The following CUX2 variants were observed in gnomAD, a reference collection of about 807,000 sequenced individuals.
CUX2 encodes cut like homeobox 2, also known as homeobox protein cut-like 2.
CUX2 carries 40 observed loss-of-function variants against 144.8 expected under a neutral mutation model. The observed-to-expected ratio is 0.28, with a 90% CI of 0.21 to 0.36. The LOEUF (loss-of-function observed/expected upper bound fraction) is 0.36. Ranked by LOEUF, CUX2 falls within the 10% of genes least tolerant of loss-of-function variation. CUX2 has a pLI of 1.00. For synonymous variants in CUX2, 827 were observed against 875.6 expected, an observed-to-expected ratio of 0.94 and a Z score of 0.98; for missense variants, 1,615 against 1,994.0, an observed-to-expected ratio of 0.81 and a Z score of 3.62.
At chr12:111,288,780 T>A (rs1307568369) in intron 4 of CUX2, among the ~76,000 whole-genome samples, 1 of 152,098 alleles carries the variant, frequency 6.6e-6, no homozygotes, top group Admixed American at 6.5e-5. Context: ...TTGGCCAACA[T>A]GGTGAAACCC....
At chr12:111,054,784 G>A (rs772561881) in intron 1 of CUX2, among the ~76,000 whole-genome samples, 116 of 152,106 alleles carry the variant, frequency 7.6e-4, no homozygotes, top group Admixed American at 2.4e-3. Flanking sequence ...ACACCACCAC[G>A]CCCGCCTAAT....
rs1478218476 is a variant in CUX2 at position 111,068,805 on chromosome 12, G to A, written c.63+34565G>A. Among the ~76,000 whole-genome samples the A allele has an allele frequency of 5.9e-5, 9 of 152,280 alleles. No individual in the cohort carries two copies. The highest frequency in any genetic ancestry group is 1.2e-4 in the Non-Finnish European group (8 of 68,020). On this transcript the variant is annotated intron_variant, in intron 1 of 21. Coordinates refer to ENST00000261726, the MANE Select transcript of CUX2 (RefSeq NM_015267.4). This position sits in a 1 kb window ranked among gnomAD's most constrained non-coding sequence, Gnocchi z 4.9. ...GTTGGACAGGAGGGGAAAATCTCAT[G>A]GTTAAGAATGTGGCCCTGGGCAGGG...
intron 1 of CUX2, among the ~76,000 whole-genome samples, chr12:111,139,485 C>A (rs1876150964): frequency 6.6e-6 from 1 of 152,070 alleles, no homozygotes; most frequent in Non-Finnish European, 1.5e-5. Flanking sequence ...AAGTTGTGGT[C>A]ATGGAGATCG....
intron 1 of CUX2, among the ~76,000 whole-genome samples, chr12:111,130,833 G>A (rs2136108988): frequency 6.6e-6 from 1 of 152,288 alleles, no homozygotes; most frequent in South Asian, 2.1e-4. Flanking sequence ...CCAACACATG[G>A]TTAGAACCCT....
chr12:111,167,050 G>A (rs1012777319), intron 1 of CUX2, among the ~76,000 whole-genome samples: 1 of 152,138 alleles, frequency 6.6e-6, no homozygotes, highest in African/African-American at 2.4e-5. Context: ...AGACAGGCTG[G>A]CAGGGAGAGC....
chr12:111,104,613 A>T (rs1873476199), intron 1 of CUX2, among the ~76,000 whole-genome samples: 1 of 152,202 alleles, frequency 6.6e-6, no homozygotes, highest in South Asian at 2.1e-4. Flanking sequence ...TCATCTATAA[A>T]ATGAGATAAT....
At chr12:111,248,534 G>A (rs933000398) in intron 3 of CUX2, among the ~76,000 whole-genome samples, 1 of 152,024 alleles carries the variant, frequency 6.6e-6, no homozygotes, top group East Asian at 1.9e-4. Context: ...TCCTGTTGCA[G>A]CATTGTCTGT....
chr12:111,246,798 T>A lies in CUX2; in HGVS notation c.223-16963T>A, dbSNP rs1352551535. 6.6e-6 allele frequency among the ~76,000 whole-genome samples: 1 copy of A among 152,154 alleles called. No homozygotes were observed. The highest frequency in any genetic ancestry group is 1.5e-5 in the Non-Finnish European group (1 of 68,028). ...ACGGCCTGCCTCTCTTGTGTGAGCC[T>A]GTGCCTCTTCCTCCTTGAAGCCCTC... On this transcript the variant is annotated intron_variant, in intron 3 of 21. Coordinates refer to ENST00000261726, the MANE Select transcript of CUX2 (RefSeq NM_015267.4). This position sits in a 1 kb window ranked among gnomAD's most constrained non-coding sequence, Gnocchi z 4.0.
At position 111,186,104 on chromosome 12, in the gene CUX2, C is replaced by T. The variant is rs919338114; in HGVS notation, c.64-28096C>T. On this transcript the variant is annotated intron_variant, in intron 1 of 21. Coordinates refer to ENST00000261726, the MANE Select transcript of CUX2 (RefSeq NM_015267.4). The surrounding 1 kb of genome is among the most constrained non-coding windows in gnomAD (Gnocchi z 4.4). ...TGTTCTGCCCTCGCCCCCTTTCTGTCTCCGTCTCACTAGATTTCGCTTTCA... is the reference window on the plus strand; with the variant it reads ...TGTTCTGCCCTCGCCCCCTTTCTGTTTCCGTCTCACTAGATTTCGCTTTCA... 1.3e-5 allele frequency among the ~76,000 whole-genome samples: 2 copies of T among 151,962 alleles called. No individual in the cohort carries two copies. The highest frequency in any genetic ancestry group is 4.2e-4 in the South Asian group (2 of 4,816).
chr12:111,348,308 C>G lies in CUX2; in HGVS notation c.4444C>G (p.Leu1482Val), dbSNP rs377383876. Reference sequence around the variant, plus strand: ...GCGGGCTGCCAATCGGGAGGAGGCCCTGGAGTGGGAGTTCTGAAGGCAGGG... The same window carrying G: ...GCGGGCTGCCAATCGGGAGGAGGCCGTGGAGTGGGAGTTCTGAAGGCAGGG... ...VERAANREEA[L>V]EWEF The change falls in exon 22 of 22, where the codon CTG (leucine) becomes GTG (valine). Residue 1482 changes from leucine (L) to valine (V), a missense_variant. By Grantham distance (32) the Leu-to-Val change is conservative (BLOSUM62 1). This residue lies in a region of CUX2 where 298 missense variants were observed against 330.4 expected (regional missense o/e 0.90). Transcript: ENST00000261726. The G allele has an allele frequency of 1.9e-6, 3 of 1,610,838 alleles. No homozygotes were observed. In the African/African-American group the frequency reaches 4.0e-5, roughly 22 times the overall value.
At position 111,348,840 on chromosome 12, in the gene CUX2, A is replaced by T; in HGVS notation, c.*515A>T. 6.5e-6 allele frequency: 1 copy of T among 153,584 alleles called. No homozygotes were observed. The highest frequency in any genetic ancestry group is 1.5e-5 in the Non-Finnish European group (1 of 68,700). The allele number at this position is 153,584 out of a possible 1,614,324, so 9.5% of individuals were successfully genotyped here. ...CAAAGCCATCACAAAACACTATAAG[A>T]CTGACCAAAATTTAGATAACCTTTG... On this transcript the variant is annotated 3_prime_UTR_variant, in exon 22 of 22. Transcript: ENST00000261726.
intron 1 of CUX2, among the ~76,000 whole-genome samples, chr12:111,036,866 A>G (rs1000908861): frequency 6.9e-6 from 1 of 145,658 alleles, no homozygotes; most frequent in Non-Finnish European, 1.5e-5. Context: ...TGAAATCTTC[A>G]GCTGGTCCCC....
intron 1 of CUX2, among the ~76,000 whole-genome samples, chr12:111,081,115 C>A (rs1397161184): frequency 6.6e-6 from 1 of 152,132 alleles, no homozygotes; most frequent in Non-Finnish European, 1.5e-5. Flanking sequence ...CCTCAGCCCT[C>A]ACCATGCTGT....
At chr12:111,175,741 G>A (rs1400273802) in intron 1 of CUX2, among the ~76,000 whole-genome samples, 3 of 151,950 alleles carry the variant, frequency 2.0e-5, no homozygotes, top group Admixed American at 6.6e-5. Context: ...CTGAATGGTC[G>A]GAGACATCAG....
At chr12:111,124,450 C>A (rs1383092626) in intron 1 of CUX2, among the ~76,000 whole-genome samples, 1 of 152,300 alleles carries the variant, frequency 6.6e-6, no homozygotes, top group African/African-American at 2.4e-5. Flanking sequence ...GTGCAGCCTG[C>A]CTGCCTTGTC....
At chr12:111,196,006 C>G (rs369278457) in intron 1 of CUX2, among the ~76,000 whole-genome samples, 2 of 152,290 alleles carry the variant, frequency 1.3e-5, no homozygotes, top group African/African-American at 4.8e-5. Context: ...GGGTCCTTTT[C>G]CAGTCACTGT....
intron 1 of CUX2, among the ~76,000 whole-genome samples, chr12:111,212,044 A>G (rs1289328996): frequency 6.6e-6 from 1 of 152,170 alleles, no homozygotes; most frequent in South Asian, 2.1e-4. Flanking sequence ...CGCTGCTGCA[A>G]CTCAAATTGA....
chr12:111,191,306 ATTATTTATTTATTTATTTAT>A (rs200077725), intron 1 of CUX2, among the ~76,000 whole-genome samples: 14 of 146,836 alleles, frequency 9.5e-5, no homozygotes, highest in South Asian at 4.6e-4. Context: ...TTATTCTTTT[ATTATTTATTTATTTATTTAT>A]TTATTTATTT....
chr12:111,310,328 C>T lies in CUX2; in HGVS notation c.1546C>T (p.Pro516Ser). The T allele has an allele frequency of 6.6e-7, 1 of 1,516,048 alleles. No homozygotes were observed. The highest frequency in any genetic ancestry group is 8.9e-7 in the Non-Finnish European group (1 of 1,128,322). 93.9% of individuals were successfully genotyped at this position (1,516,048 alleles called of 1,614,324 possible). ...VFPPAFYGAK[P>S]PTAPATPAPG... ...CCCCCCAGCCTTCTATGGCGCCAAG[C>T]CCCCCACAGCCCCTGCCACCCCGGC... The change falls in exon 15 of 22, where the codon CCC (proline) becomes TCC (serine). Residue 516 changes from proline (P) to serine (S), a missense_variant. Physicochemically the swap from Pro to Ser is moderately conservative, Grantham distance 74 (BLOSUM62 -1). This residue lies in a region of CUX2 where 154 missense variants were observed against 148.4 expected (regional missense o/e 1.04). Transcript: ENST00000261726. This position sits in a 1 kb window ranked among gnomAD's most constrained non-coding sequence, Gnocchi z 7.9.
Sources: allele counts gnomAD v4.1 joint callset (sites outside exome capture counted in the v4.1 genomes callset), GRCh38; gene constraint gnomAD v4.1.1; regional missense constraint gnomAD v4.1.1; non-coding constraint Gnocchi (gnomAD v3.1); transcripts MANE v1.5; gene names NCBI Gene and HGNC (gene_info 2026-07-23, HGNC 2026-07-21).